The following REC114 variants were observed in gnomAD, a reference collection of about 807,000 sequenced individuals.
The protein encoded by REC114 is REC114 meiotic recombination protein.
A neutral mutation model predicts 31.3 loss-of-function variants in REC114; 27 were observed. The observed-to-expected ratio is 0.86, with a 90% CI of 0.64 to 1.19. The LOEUF is 1.19. Among genes scored for constraint, REC114 ranks in the 50% most tolerant of loss-of-function variants. The probability of loss-of-function intolerance (pLI) is 0.00; values close to 1 mark genes in which losing one functional copy is unlikely to be tolerated. For synonymous variants in REC114, 134 were observed against 127.7 expected (o/e 1.05, Z -0.33); for missense variants, 344 against 326.9 (o/e 1.05, Z -0.40).
intron 2 of REC114, among the ~76,000 whole-genome samples, chr15:73,515,161 C>T (rs1893840400): frequency 6.6e-6 from 1 of 152,052 alleles, no homozygotes; most frequent in Admixed American, 6.6e-5. Flanking sequence ...CAAACTCCTG[C>T]ATCAAGCAAC....
At chr15:73,494,455 T>G (rs532009766) in intron 2 of REC114, among the ~76,000 whole-genome samples, 3 of 142,360 alleles carry the variant, frequency 2.1e-5, no homozygotes, top group South Asian at 4.4e-4. Flanking sequence ...TCATGCCACT[T>G]CCCTCCAGCC....
At chr15:73,476,383 C>G (rs1893215395) in intron 2 of REC114, among the ~76,000 whole-genome samples, 1 of 152,140 alleles carries the variant, frequency 6.6e-6, no homozygotes, top group South Asian at 2.1e-4. Context: ...CCTTGTGGCT[C>G]TTTGCAGTGA....
At chr15:73,513,352 T>G (rs902315252) in intron 2 of REC114, among the ~76,000 whole-genome samples, 1 of 150,678 alleles carries the variant, frequency 6.6e-6, no homozygotes, top group African/African-American at 2.4e-5. Context: ...TCTTCTAAAT[T>G]TTTTTCAAAG....
chr15:73,542,057 A>G (rs1894245228), intron 3 of REC114, among the ~76,000 whole-genome samples: 1 of 152,002 alleles, frequency 6.6e-6, no homozygotes, highest in Non-Finnish European at 1.5e-5. Flanking sequence ...TAGGCTGGGC[A>G]TGGTGGCTCA....
intron 1 of REC114, among the ~76,000 whole-genome samples, chr15:73,455,234 C>T (rs750595610): frequency 5.9e-5 from 9 of 151,966 alleles, no homozygotes; most frequent in Non-Finnish European, 1.2e-4. Flanking sequence ...CTCTCTAAGT[C>T]TCATGTGAAT....
In REC114 at chr15:73,559,238, T is replaced by C. The variant is rs534138847; in HGVS notation, c.637-514T>C. The stretch of plus-strand genomic sequence containing the variant: ...TTGTGGTGACAGTTACACGACTATT[T>C]GTCAAAACTCACAGATGGCCAGAAA... On this transcript the variant is annotated intron_variant, in intron 5 of 5. Transcript: ENST00000331090. Among the ~76,000 whole-genome samples the C allele has an allele frequency of 2.2e-4, 34 of 152,332 alleles. No homozygotes were observed. The South Asian group carries it at 2.7e-3, about 12-fold the overall frequency.
At chr15:73,514,944 T>C (rs1167580599) in intron 2 of REC114, among the ~76,000 whole-genome samples, 1 of 151,526 alleles carries the variant, frequency 6.6e-6, no homozygotes, top group Non-Finnish European at 1.5e-5. Flanking sequence ...TTTTTTTTTT[T>C]TTTTTGAGAC....
At chr15:73,450,984 CA>C (rs1412348514) in intron 1 of REC114, among the ~76,000 whole-genome samples, 3 of 152,186 alleles carry the variant, frequency 2.0e-5, no homozygotes, top group Admixed American at 2.0e-4. Flanking sequence ...ACCTTTAAAG[CA>C]GTGTGTAGAG....
intron 1 of REC114, among the ~76,000 whole-genome samples, chr15:73,471,387 A>G (rs1412498820): frequency 6.6e-6 from 1 of 152,246 alleles, no homozygotes; most frequent in Non-Finnish European, 1.5e-5. Context: ...TAAGTGTTGC[A>G]TATAGAAACC....
At chr15:73,459,721 T>A (rs1416688094) in intron 1 of REC114, among the ~76,000 whole-genome samples, 1 of 152,204 alleles carries the variant, frequency 6.6e-6, no homozygotes, top group Non-Finnish European at 1.5e-5. Context: ...CAGAACCAAC[T>A]GTCATGGGCA....
At chr15:73,553,289 T>C (rs1284859476) in intron 4 of REC114, among the ~76,000 whole-genome samples, 1 of 152,262 alleles carries the variant, frequency 6.6e-6, no homozygotes, top group African/African-American at 2.4e-5. Flanking sequence ...TGAAGATGTC[T>C]TAATGCTGAA....
intron 1 of REC114, among the ~76,000 whole-genome samples, chr15:73,450,680 A>G (rs1232218930): frequency 2.0e-5 from 3 of 152,246 alleles, no homozygotes; most frequent in Non-Finnish European, 4.4e-5. Flanking sequence ...GAGAGAATAT[A>G]CATTCTTCTC....
At chr15:73,551,404 C>T (rs2141335844) in intron 4 of REC114, among the ~76,000 whole-genome samples, 1 of 152,232 alleles carries the variant, frequency 6.6e-6, no homozygotes, top group African/African-American at 2.4e-5. Context: ...ACGAACCCCT[C>T]CCTAGGACTC....
At chr15:73,458,644 T>C (rs1370689005) in intron 1 of REC114, among the ~76,000 whole-genome samples, 1 of 152,234 alleles carries the variant, frequency 6.6e-6, no homozygotes, top group Admixed American at 6.5e-5. Context: ...CTGCTGTGCA[T>C]GGCCATGGTC....
At chr15:73,494,864 G>A (rs560419851) in intron 2 of REC114, among the ~76,000 whole-genome samples, 8 of 152,300 alleles carry the variant, frequency 5.3e-5, no homozygotes, top group Admixed American at 2.0e-4. Context: ...GAAAGTTAGC[G>A]TATATATCTA....
intron 2 of REC114, among the ~76,000 whole-genome samples, chr15:73,516,548 C>A (rs565080273): frequency 6.6e-6 from 1 of 152,234 alleles, no homozygotes; most frequent in Admixed American, 6.5e-5. Flanking sequence ...GTCTGCAGAA[C>A]CTTGGAGGTT....
At chr15:73,537,792 A>G (rs1894177930) in intron 2 of REC114, among the ~76,000 whole-genome samples, 1 of 152,256 alleles carries the variant, frequency 6.6e-6, no homozygotes, top group Non-Finnish European at 1.5e-5. Context: ...AAAAAGGCAT[A>G]GAGAAAGCTT....
chr15:73,519,421 C>T (rs1893905098), intron 2 of REC114, among the ~76,000 whole-genome samples: 2 of 152,160 alleles, frequency 1.3e-5, no homozygotes, highest in African/African-American at 4.8e-5. Context: ...AATAAATTTC[C>T]ACTGTTCATA....
intron 4 of REC114, among the ~76,000 whole-genome samples, chr15:73,554,984 T>C (rs1226351800): frequency 6.6e-6 from 1 of 152,264 alleles, no homozygotes; most frequent in African/African-American, 2.4e-5. Flanking sequence ...GGGGCTTGTC[T>C]AAGGACTATT....
Sources: allele counts gnomAD v4.1 joint callset (sites outside exome capture counted in the v4.1 genomes callset), GRCh38; gene constraint gnomAD v4.1.1; transcripts MANE v1.5; gene names NCBI Gene and HGNC (gene_info 2026-07-23, HGNC 2026-07-21).